The following CSMD1 variants were observed in gnomAD, a reference collection of about 807,000 sequenced individuals.
CSMD1 encodes the protein CUB and sushi domain-containing protein 1.
A neutral mutation model predicts 417.5 loss-of-function variants in CSMD1; 213 were observed. That is an observed-to-expected ratio of 0.51 (90% CI 0.46 to 0.57). The LOEUF (loss-of-function observed/expected upper bound fraction) is 0.57. Among genes scored for constraint, CSMD1 ranks in the 20% least tolerant of loss-of-function variants. The pLI is 0.00. For synonymous variants in CSMD1, 2,862 were observed against 1,736.8 expected, an observed-to-expected ratio of 1.65 and a Z score of -16.11; for missense variants, 6,923 against 4,529.7, an observed-to-expected ratio of 1.53 and a Z score of -15.17.
intron 8 of CSMD1, among the ~76,000 whole-genome samples, chr8:3,598,898 T>C (rs1451520754): frequency 1.3e-5 from 2 of 151,992 alleles, no homozygotes; most frequent in Admixed American, 6.6e-5. Flanking sequence ...CTGACCAACA[T>C]AATGAAACCC....
At chr8:4,196,734 T>C (rs925829412) in intron 3 of CSMD1, among the ~76,000 whole-genome samples, 2 of 152,122 alleles carry the variant, frequency 1.3e-5, no homozygotes, top group Non-Finnish European at 2.9e-5. Flanking sequence ...ATTAGGATGG[T>C]CTCTATCTCA....
intron 18 of CSMD1, among the ~76,000 whole-genome samples, chr8:3,373,127 T>C (rs1014215304): frequency 1.1e-4 from 16 of 152,354 alleles, no homozygotes; most frequent in South Asian, 6.2e-4. Flanking sequence ...GCATGTTATA[T>C]AAACTGATAA....
At chr8:4,011,934 T>C (rs1011656260) in intron 4 of CSMD1, among the ~76,000 whole-genome samples, 2 of 152,142 alleles carry the variant, frequency 1.3e-5, no homozygotes, top group Non-Finnish European at 2.9e-5. Flanking sequence ...TCTTCCCATA[T>C]ACTTTAAATC....
intron 32 of CSMD1, among the ~76,000 whole-genome samples, chr8:3,201,091 T>C (rs886421115): frequency 1.3e-5 from 2 of 152,154 alleles, no homozygotes; most frequent in African/African-American, 2.4e-5. Flanking sequence ...AGGGTAAGAA[T>C]GGGATAAAAA....
chr8:3,883,434 T>C (rs771833195), intron 5 of CSMD1, among the ~76,000 whole-genome samples: 1 of 152,124 alleles, frequency 6.6e-6, no homozygotes, highest in South Asian at 2.1e-4. Context: ...GTGTGTATGT[T>C]TGTGTATATA....
intron 3 of CSMD1, among the ~76,000 whole-genome samples, chr8:4,389,697 A>T (rs1287622987): frequency 2.0e-5 from 3 of 152,118 alleles, no homozygotes; most frequent in South Asian, 4.1e-4. Flanking sequence ...ACACATTCTA[A>T]GATTTTTTTA....
At chr8:3,261,030 C>G (rs1007140325) in intron 26 of CSMD1, among the ~76,000 whole-genome samples, 2 of 152,132 alleles carry the variant, frequency 1.3e-5, no homozygotes, top group Non-Finnish European at 2.9e-5. Flanking sequence ...AAACCTTTCA[C>G]TGTAGAGGAA....
chr8:3,828,418 G>A (rs903887768), intron 5 of CSMD1, among the ~76,000 whole-genome samples: 1 of 151,720 alleles, frequency 6.6e-6, no homozygotes, highest in Non-Finnish European at 1.5e-5. Flanking sequence ...TATTGCAACA[G>A]CCTCTGACTT....
chr8:4,369,430 G>T (rs1344811338), intron 3 of CSMD1, among the ~76,000 whole-genome samples: 1 of 152,124 alleles, frequency 6.6e-6, no homozygotes. Context: ...ACTGTTGGGT[G>T]GAGTGTTTTA....
At chr8:4,578,419 T>C (rs1416404154) in intron 2 of CSMD1, among the ~76,000 whole-genome samples, 3 of 148,320 alleles carry the variant, frequency 2.0e-5, no homozygotes, top group African/African-American at 7.5e-5. Flanking sequence ...GATCTCATGA[T>C]TCGCCCACCT....
intron 31 of CSMD1, among the ~76,000 whole-genome samples, chr8:3,202,744 CTG>C (rs1049665076): frequency 1.3e-5 from 2 of 152,182 alleles, no homozygotes; most frequent in African/African-American, 4.8e-5. Flanking sequence ...AGTAATCTAA[CTG>C]TAACAGTGTG....
At chr8:4,505,842 C>G (rs1041976842) in intron 2 of CSMD1, among the ~76,000 whole-genome samples, 3 of 151,894 alleles carry the variant, frequency 2.0e-5, no homozygotes, top group African/African-American at 7.3e-5. Context: ...ACTCTGTCAC[C>G]CACAATAGAG....
intron 5 of CSMD1, among the ~76,000 whole-genome samples, chr8:3,769,233 C>G (rs116646111): frequency 0.017 from 2,614 of 152,254 alleles, 76 homozygotes; most frequent in African/African-American, 0.058. Context: ...CACTCGAAGG[C>G]AATTTGATCA....
chr8:3,845,751 T>C (rs376508807), intron 5 of CSMD1, among the ~76,000 whole-genome samples: 1 of 152,208 alleles, frequency 6.6e-6, no homozygotes, highest in African/African-American at 2.4e-5. Flanking sequence ...CAATAACACA[T>C]AGCTCAGAAC....
intron 3 of CSMD1, among the ~76,000 whole-genome samples, chr8:4,359,126 G>A (rs1413241426): frequency 6.6e-6 from 1 of 152,158 alleles, no homozygotes; most frequent in African/African-American, 2.4e-5. Flanking sequence ...TAGAAATTTA[G>A]AAGGCAGAGT....
intron 25 of CSMD1, among the ~76,000 whole-genome samples, chr8:3,294,910 G>T (rs1031133129): frequency 6.6e-6 from 1 of 151,998 alleles, no homozygotes. Context: ...CGTCTTCTGC[G>T]TCATTCATGC....
chr8:3,138,390 C>T (rs905173536), intron 41 of CSMD1, among the ~76,000 whole-genome samples: 1 of 152,180 alleles, frequency 6.6e-6, no homozygotes, highest in South Asian at 2.1e-4. Context: ...AGGGTTCCAT[C>T]CCAAGTGACA....
intron 31 of CSMD1, 80 bp downstream of exon 31, chr8:3,205,424 A>T: frequency 1.4e-6 from 1 of 735,010 alleles, no homozygotes; most frequent in East Asian, 2.8e-5. Flanking sequence ...AAGCTCTAGC[A>T]TACTTGTTTA....
At position 4,166,432 on chromosome 8, in the gene CSMD1, C is replaced by G. The variant is rs143562643; in HGVS notation, c.416-134333G>C. On this transcript the variant is annotated intron_variant, in intron 3 of 69. Transcript: ENST00000635120. ...ATATACCACACAATAATAGCCATAACATAGAATGAAATAACATTTGCAGCA... is the reference window on the plus strand; with the variant it reads ...ATATACCACACAATAATAGCCATAAGATAGAATGAAATAACATTTGCAGCA... Among the ~76,000 whole-genome samples the G allele has an allele frequency of 1.0e-3, 155 of 152,240 alleles. 1 individual carries two copies. Among genetic ancestry groups the G allele is most frequent in the African/African-American group, 3.6e-3 (149 of 41,532 alleles).
Sources: allele counts gnomAD v4.1 joint callset (sites outside exome capture counted in the v4.1 genomes callset), GRCh38; gene constraint gnomAD v4.1.1; transcripts MANE v1.5; gene names NCBI Gene and HGNC (gene_info 2026-07-23, HGNC 2026-07-21).